Variants in LDLRAP1 observed in about 807,000 individuals in gnomAD.
LDLRAP1 encodes low density lipoprotein receptor adaptor protein 1.
A neutral mutation model predicts 37.8 loss-of-function variants in LDLRAP1; 30 were observed. The observed-to-expected ratio is 0.79, with a 90% CI of 0.59 to 1.08. The LOEUF (loss-of-function observed/expected upper bound fraction) is 1.08. LDLRAP1 is among the 50% of genes least tolerant of loss of function. The pLI is 0.00. For synonymous variants in LDLRAP1, 156 were observed against 169.8 expected (o/e 0.92, Z 0.63); for missense variants, 375 against 401.6 (o/e 0.93, Z 0.57).
chr1:25,570,912 A>C (rs2044596620), downstream of LDLRAP1, among the ~76,000 whole-genome samples: 1 of 152,156 alleles, frequency 6.6e-6, no homozygotes, highest in Admixed American at 6.5e-5. Context: ...TTTTGCACCT[A>C]ACACTGGTGA....
intron 7 of LDLRAP1, chr1:25,564,944 A>C: frequency 1.8e-6 from 1 of 558,948 alleles, no homozygotes; most frequent in South Asian, 2.0e-5. Context: ...GTCTCCAGAC[A>C]CCCTGGGACA....
At chr1:25,589,921 T>C in the LDLRAP1 span, among the ~76,000 whole-genome samples, 2 of 152,270 alleles carry the variant, frequency 1.3e-5, no homozygotes, top group Admixed American at 1.3e-4. Context: ...GCCAACATGG[T>C]GAAACCCCGT....
chr1:25,578,241 A>G, the LDLRAP1 span, among the ~76,000 whole-genome samples: 33 of 152,342 alleles, frequency 2.2e-4, no homozygotes, highest in African/African-American at 6.5e-4. Context: ...TTAAAGCATT[A>G]AAATTAGTTT....
the LDLRAP1 span, among the ~76,000 whole-genome samples, chr1:25,587,390 A>C: frequency 6.6e-6 from 1 of 152,094 alleles, no homozygotes; most frequent in Non-Finnish European, 1.5e-5. Context: ...CTTGGCCTCA[A>C]GTGATCTTTC....
chr1:25,559,366 A>T (rs910553863), intron 4 of LDLRAP1, among the ~76,000 whole-genome samples: 17 of 152,114 alleles, frequency 1.1e-4, no homozygotes, highest in African/African-American at 3.9e-4. Context: ...CTTACAAGGG[A>T]GACCTGGCCT....
Position 25,562,661 on chromosome 1 carries a change from C to T in LDLRAP1, c.477C>T (p.Leu159=), listed in dbSNP as rs887276170. The T allele has an allele frequency of 3.7e-6, 6 of 1,614,114 alleles. No homozygotes were observed. Among genetic ancestry groups the T allele is most frequent in the Non-Finnish European group, 5.1e-6 (6 of 1,180,028 alleles). ...TKRKMAQAVT[L]TVAQAFKVAF... ...GTTTTCAGGCACAGGCTGTTACCCTCACCGTAGCCCAGGCCTTCAAAGTCG... is the reference window on the plus strand; with the variant it reads ...GTTTTCAGGCACAGGCTGTTACCCTTACCGTAGCCCAGGCCTTCAAAGTCG... The change falls in exon 5 of 9, where the codon CTC becomes CTT. Residue 159 remains leucine (L), a synonymous_variant. Transcript: ENST00000374338.
At chr1:25,579,602 A>G in the LDLRAP1 span, among the ~76,000 whole-genome samples, 3 of 152,226 alleles carry the variant, frequency 2.0e-5, no homozygotes, top group Non-Finnish European at 2.9e-5. Context: ...CCAAGAATGT[A>G]GGGATTTAAG....
the LDLRAP1 span, among the ~76,000 whole-genome samples, chr1:25,583,953 A>G: frequency 6.6e-6 from 1 of 152,116 alleles, no homozygotes; most frequent in South Asian, 2.1e-4. Flanking sequence ...ACGTTGTAGC[A>G]CATGCCAGTG....
chr1:25,565,718 A>G (rs191130004), intron 8 of LDLRAP1, among the ~76,000 whole-genome samples: 2 of 152,224 alleles, frequency 1.3e-5, no homozygotes, highest in East Asian at 3.9e-4. Context: ...CCCAGGGGCC[A>G]TCCTTGTGGC....
intron 4 of LDLRAP1, among the ~76,000 whole-genome samples, chr1:25,561,143 G>A (rs1283107291): frequency 6.6e-6 from 1 of 152,254 alleles, no homozygotes; most frequent in Non-Finnish European, 1.5e-5. Flanking sequence ...TCCAGCCCTT[G>A]CTTGGGTGGA....
At chr1:25,564,013 C>G in intron 7 of LDLRAP1, 1 of 617,990 alleles carries the variant, frequency 1.6e-6, no homozygotes, top group East Asian at 2.9e-5. Context: ...CAGCTGTCTC[C>G]TCACAATGCT....
chr1:25,558,981 AT>A (rs2044278834), intron 4 of LDLRAP1, among the ~76,000 whole-genome samples: 1 of 152,098 alleles, frequency 6.6e-6, no homozygotes, highest in African/African-American at 2.4e-5. Context: ...CTGCTTGCCT[AT>A]CAGCAGAATG....
chr1:25,558,613 C>T (rs1192799263), intron 4 of LDLRAP1, among the ~76,000 whole-genome samples: 3 of 152,118 alleles, frequency 2.0e-5, no homozygotes, highest in Admixed American at 6.5e-5. Context: ...GTGGGCCTGT[C>T]CTCATCTTCC....
At chr1:25,566,762 G>C in intron 8 of LDLRAP1, 86 bp from the exon 9 acceptor site, 1 of 1,519,228 alleles carries the variant, frequency 6.6e-7, no homozygotes, top group South Asian at 1.2e-5. Context: ...GTGCCCTGCT[G>C]TTCCCCACTG....
chr1:25,582,374 A>C, the LDLRAP1 span, among the ~76,000 whole-genome samples: 1 of 151,840 alleles, frequency 6.6e-6, no homozygotes, highest in Non-Finnish European at 1.5e-5. Flanking sequence ...ATCACTAGAT[A>C]TGGAGATCGA....
chr1:25,558,412 G>T (rs148901780), intron 4 of LDLRAP1, among the ~76,000 whole-genome samples: 2 of 152,306 alleles, frequency 1.3e-5, no homozygotes, highest in East Asian at 3.9e-4. Context: ...TGTAACAAAT[G>T]ATCGCAAATT....
chr1:25,563,579 G>C (rs554791602), intron 6 of LDLRAP1, 82 bp from the exon 7 acceptor site: 1 of 1,583,510 alleles, frequency 6.3e-7, no homozygotes, highest in African/African-American at 1.3e-5. Flanking sequence ...AGAGGGGAGG[G>C]TCAGGGCCAG....
intron 4 of LDLRAP1, among the ~76,000 whole-genome samples, chr1:25,561,059 C>T (rs142319231): frequency 7.1e-4 from 108 of 152,396 alleles, no homozygotes; most frequent in African/African-American, 2.5e-3. Context: ...TATGCAACTA[C>T]AGTCTAAGCT....
At chr1:25,558,314 A>T (rs765094278) in intron 4 of LDLRAP1, among the ~76,000 whole-genome samples, 1 of 152,122 alleles carries the variant, frequency 6.6e-6, no homozygotes, top group East Asian at 1.9e-4. Flanking sequence ...CTCCCCTGTC[A>T]TCAAAGGACA....
Sources: allele counts gnomAD v4.1 joint callset (sites outside exome capture counted in the v4.1 genomes callset), GRCh38; gene constraint gnomAD v4.1.1; transcripts MANE v1.5; gene names NCBI Gene and HGNC (gene_info 2026-07-23, HGNC 2026-07-21).